Variants in MYH8 observed in about 807,000 individuals in gnomAD.
The protein encoded by MYH8 is myosin-8.
Under a neutral mutation model 233.2 loss-of-function variants are expected in MYH8, and 168 were observed. That is an observed-to-expected ratio of 0.72 (90% confidence interval 0.64 to 0.82). MYH8 has a LOEUF of 0.82. MYH8 is among the 40% of genes least tolerant of loss of function. The pLI, the probability that MYH8 is intolerant of heterozygous loss-of-function variation, is 0.00. For missense variants in MYH8, 1,995 were observed against 2,327.8 expected (o/e 0.86, Z 2.94); for synonymous variants, 785 against 850.6 (o/e 0.92, Z 1.34).
intron 21 of MYH8, among the ~76,000 whole-genome samples, chr17:10,405,251 G>A (rs187022977): frequency 6.6e-6 from 1 of 152,240 alleles, no homozygotes; most frequent in Admixed American, 6.5e-5. Flanking sequence ...CATCTGTTGA[G>A]CTCTAAAATT....
chr17:10,390,689 G>T, intron 39 of MYH8, 86 bp from the exon 40 acceptor site: 1 of 1,466,464 alleles, frequency 6.8e-7, no homozygotes, highest in South Asian at 1.1e-5. Context: ...CTCAAATCAG[G>T]TATTTCCTTC....
At position 10,401,652 on chromosome 17, in the gene MYH8, G is replaced by T; in HGVS notation, c.2822C>A (p.Ala941Asp). ...TTCATCCTCCAGTTTTCTCTTCTTG[G>T]CTGTCAGCTCAGCATTGATCTCTTC... ...EEEEINAELT[A>D]KKRKLEDECS... Residue 941 changes from alanine (A) to aspartate (D), a missense_variant, in exon 23 of 40, where the codon GCC (alanine) becomes GAC (aspartate). Coordinates refer to ENST00000403437, the MANE Select transcript of MYH8 (RefSeq NM_002472.3). 6.2e-7 allele frequency: 1 copy of T among 1,613,888 alleles called. No individual in the cohort carries two copies.
At chr17:10,420,885 T>C (rs1245357694) in intron 2 of MYH8, among the ~76,000 whole-genome samples, 2 of 152,228 alleles carry the variant, frequency 1.3e-5, no homozygotes, top group African/African-American at 4.8e-5. Context: ...TTCCAAAATC[T>C]TTTTTGACAT....
At chr17:10,414,984 A>G in intron 9 of MYH8, 132 bp downstream of exon 9, 1 of 838,172 alleles carries the variant, frequency 1.2e-6, no homozygotes, top group Admixed American at 1.7e-5. Flanking sequence ...TAAGCCTAGC[A>G]TTAGCTTACA....
intron 9 of MYH8, among the ~76,000 whole-genome samples, chr17:10,414,849 A>G (rs1408655471): frequency 6.6e-6 from 1 of 152,166 alleles, no homozygotes; most frequent in Non-Finnish European, 1.5e-5. Context: ...GGAAACCCAT[A>G]AGTAGCCCAG....
rs200483844 is a variant in MYH8, at chr17:10,398,593, G to A, written c.4029C>T (p.Cys1343=). The A allele has an allele frequency of 6.8e-5, 110 of 1,614,192 alleles. No individual in the cohort carries two copies. In the South Asian group the frequency reaches 9.4e-4, roughly 14 times the overall value. ...CCTCATACTGTTCCCGCAGCAGGTC[G>A]CAGTCATGGCGGGAGGACTGCAGGG... is the stretch of plus-strand genomic sequence containing the variant. The part of the protein sequence containing the change: ...AHALQSSRHD[C]DLLREQYEEE... The change falls in exon 30 of 40, where the codon TGC becomes TGT. Residue 1343 remains cysteine (C), a synonymous_variant. Transcript: ENST00000403437.
intron 30 of MYH8, among the ~76,000 whole-genome samples, chr17:10,397,494 G>T (rs1355860251): frequency 6.6e-6 from 1 of 152,176 alleles, no homozygotes; most frequent in East Asian, 1.9e-4. Context: ...GATCCAAAGT[G>T]GTGAAGAGTT....
In MYH8 at chr17:10,417,559, G is replaced by A. The variant is rs1296065237; in HGVS notation, c.511+1086C>T. Among the ~76,000 whole-genome samples the A allele has an allele frequency of 3.9e-5, 6 of 152,204 alleles. No individual in the cohort carries two copies. ...CTGTACCATTTTGTACAAAAATCAT[G>A]TTTGGGAGCCATAAGTAACCTTGAA... is the stretch of plus-strand genomic sequence containing the variant. On this transcript the variant is annotated intron_variant, in intron 5 of 39. Coordinates refer to ENST00000403437, the MANE Select transcript of MYH8 (RefSeq NM_002472.3). The surrounding 1 kb of genome is among the most constrained non-coding windows in gnomAD (Gnocchi z 4.1).
chr17:10,411,003 C>T, intron 14 of MYH8, 56 bp from the exon 15 acceptor site: 6 of 1,613,050 alleles, frequency 3.7e-6, no homozygotes, highest in East Asian at 2.2e-5. Flanking sequence ...TAGTAAAATT[C>T]ATTACTGAAA....
intron 17 of MYH8, among the ~76,000 whole-genome samples, chr17:10,408,174 C>T (rs190163699): frequency 2.8e-3 from 419 of 151,868 alleles, no homozygotes; most frequent in African/African-American, 9.2e-3. Context: ...TTCCTGACCT[C>T]GTGATCTGCC....
rs746549585 is a variant in MYH8 at position 10,393,147 on chromosome 17, C to T, written c.5230G>A (p.Val1744Met). The T allele has an allele frequency of 1.2e-6, 2 of 1,614,106 alleles. No individual in the cohort carries two copies. Among genetic ancestry groups the T allele is most frequent in the Admixed American group, 1.7e-5 (1 of 60,012 alleles). The change falls in exon 36 of 40, where the codon GTG (valine) becomes ATG (methionine). Residue 1744 changes from valine (V) to methionine (M), a missense_variant. Transcript: ENST00000403437. Reference sequence around the variant, plus strand: ...CGTGATTCTTGGATTACTTCTTCCACTTCACTTTGGAGTTGGGAAACGTCA... The same window carrying T: ...CGTGATTCTTGGATTACTTCTTCCATTTCACTTTGGAGTTGGGAAACGTCA... ...ENDVSQLQSEVEEVIQESRNA... is the reference protein window; with the variant it reads ...ENDVSQLQSEMEEVIQESRNA...
In MYH8 at chr17:10,404,553, C is replaced by G; in HGVS notation, c.2465G>C (p.Arg822Pro). The G allele has an allele frequency of 6.2e-7, 1 of 1,613,818 alleles. No individual in the cohort carries two copies. The highest frequency in any genetic ancestry group is 8.5e-7 in the Non-Finnish European group (1 of 1,179,846). ...CCAGTGCTTGACGTTCATGAAGGCA[C>G]GGACATTATACTGGATGCAGAAAAG... ...EALFCIQYNV[R>P]AFMNVKHWPW... The change falls in exon 22 of 40, where the codon CGT (arginine) becomes CCT (proline). Residue 822 changes from arginine to proline, a missense_variant. This residue lies in a region of MYH8 where 1,498 missense variants were observed against 1,680.9 expected (regional missense o/e 0.89). Coordinates refer to ENST00000403437, the MANE Select transcript of MYH8 (RefSeq NM_002472.3).
intron 21 of MYH8, among the ~76,000 whole-genome samples, chr17:10,405,786 G>T (rs1181796207): frequency 6.6e-6 from 1 of 152,236 alleles, no homozygotes; most frequent in African/African-American, 2.4e-5. Flanking sequence ...AGGCAAGCAA[G>T]CAACTAGCTT....
chr17:10,392,552 A>G lies in MYH8; in HGVS notation c.5558T>C (p.Leu1853Pro). ...LRKHERRVKE[L>P]TYQTEEDRKN... is the part of the protein sequence containing the mutation. Reference sequence around the variant, plus strand: ...GGCTATTCCCTTTACCTGGTAGGTGAGTTCTTTTACTCGTCGCTCATGTTT... The same window carrying G: ...GGCTATTCCCTTTACCTGGTAGGTGGGTTCTTTTACTCGTCGCTCATGTTT... Residue 1853 changes from leucine (L) to proline (P), a missense_variant, in exon 38 of 40, where the codon CTC becomes CCC. Leu to Pro is a moderately conservative substitution (Grantham distance 98, BLOSUM62 -3). Transcript: ENST00000403437. 1 of 1,613,998 alleles carries G rather than the reference A, an allele frequency of 6.2e-7. No individual in the cohort carries two copies. Among genetic ancestry groups the G allele is most frequent in the South Asian group, 1.1e-5 (1 of 91,088 alleles).
chr17:10,396,783 G>A lies in MYH8; in HGVS notation c.4362+20C>T. The A allele has an allele frequency of 6.2e-7, 1 of 1,614,170 alleles. No individual in the cohort carries two copies. The highest frequency in any genetic ancestry group is 8.5e-7 in the Non-Finnish European group (1 of 1,180,018). ...GAAGACCGAGTAAAACACTCTTAAA[G>A]TTTAAGCAGTCTGGGCCACCTTGTC... On this transcript the variant is annotated intron_variant, in intron 31 of 39. Transcript: ENST00000403437. This position sits in a 1 kb window ranked among gnomAD's most constrained non-coding sequence, Gnocchi z 4.2.
rs776298958 is a variant in MYH8 at position 10,406,918 on chromosome 17, A to T, written c.2027T>A (p.Ile676Asn). The T allele has an allele frequency of 6.2e-7, 1 of 1,614,142 alleles. No individual in the cohort carries two copies. Among genetic ancestry groups the T allele is most frequent in the Non-Finnish European group, 8.5e-7 (1 of 1,179,984 alleles). ...AGGAGTTTTGGTTTCATTGGGAATG[A>T]TACACCGTACGAAGTGAGGGTGTGT... The part of the protein sequence containing the change: ...RSTHPHFVRC[I>N]IPNETKTPGA... Residue 676 changes from isoleucine (I) to asparagine (N), a missense_variant, in exon 18 of 40, where the codon ATC (isoleucine) becomes AAC (asparagine). By Grantham distance (149) the Ile-to-Asn change is moderately radical. Coordinates refer to ENST00000403437, the MANE Select transcript of MYH8 (RefSeq NM_002472.3).
chr17:10,395,557 C>T, intron 33 of MYH8, 116 bp from the exon 34 acceptor site: 1 of 1,047,054 alleles, frequency 9.6e-7, no homozygotes, highest in Non-Finnish European at 1.4e-6. Context: ...AAGTATAATA[C>T]AGTAGTTCTG....
intron 5 of MYH8, among the ~76,000 whole-genome samples, chr17:10,416,087 C>T (rs1395358878): frequency 6.6e-6 from 1 of 152,102 alleles, no homozygotes; most frequent in Non-Finnish European, 1.5e-5. Flanking sequence ...AACTCTGTGT[C>T]CCTTAAACTC....
intron 34 of MYH8, among the ~76,000 whole-genome samples, 183 bp downstream of exon 34, chr17:10,394,950 T>G (rs1278978761): frequency 2.0e-5 from 3 of 152,258 alleles, no homozygotes; most frequent in African/African-American, 4.8e-5. Context: ...GGCATCTGTT[T>G]GTTCTTCTAC....
Sources: gnomAD v4.1 joint callset for allele counts (sites outside exome capture counted in the v4.1 genomes callset) on GRCh38, gnomAD v4.1.1 for gene constraint, gnomAD v4.1.1 regional missense constraint, Gnocchi (gnomAD v3.1) non-coding constraint, MANE v1.5 for transcripts, NCBI Gene and HGNC (gene_info 2026-07-23, HGNC 2026-07-21) for gene names.